Variants in TMEM254 observed in about 807,000 individuals in gnomAD.
TMEM254 encodes transmembrane protein 254, also known as transmembrane protein C10orf57.
Under a neutral mutation model 13.9 loss-of-function variants are expected in TMEM254, and 16 were observed. That is an observed-to-expected ratio of 1.15 (90% CI 0.78 to 1.75). The LOEUF (loss-of-function observed/expected upper bound fraction) is 1.75. Ranked by LOEUF, TMEM254 falls within the 40% of genes most tolerant of loss-of-function variation. The pLI is 0.00. For missense variants in TMEM254, 155 were observed against 149.0 expected, an observed-to-expected ratio of 1.04 and a Z score of -0.21; for synonymous variants, 61 against 56.4, an observed-to-expected ratio of 1.08 and a Z score of -0.36.
rs112064868 is a variant in TMEM254, at chr10:80,080,882, T to C, written c.88-959T>C. Among the ~76,000 whole-genome samples the C allele has an allele frequency of 4.8e-3, 737 of 151,964 alleles. 9 individuals are homozygous for C. Among genetic ancestry groups the C allele is most frequent in the African/African-American group, 0.017 (697 of 41,428 alleles). ...ATCACCTGATGTCAGGAGTTGGAGA[T>C]CAGCCTGGCCAACATGGTGAAACTC... On this transcript the variant is annotated intron_variant, in intron 1 of 3. Coordinates refer to ENST00000372281, the MANE Select transcript of TMEM254 (RefSeq NM_025125.4).
At chr10:80,081,663 G>A (rs1444146807) in intron 1 of TMEM254, 178 bp from the exon 2 acceptor site, 4 of 1,500,910 alleles carry the variant, frequency 2.7e-6, no homozygotes, top group African/African-American at 2.9e-5. Flanking sequence ...GTGAGACCCT[G>A]TCAAAAAAAA....
Position 80,078,711 on chromosome 10 carries a change from A to C in TMEM254, c.12A>C (p.Ala4=). 1 of 1,603,396 alleles carries C rather than the reference A, an allele frequency of 6.2e-7. No homozygotes were observed. The highest frequency in any genetic ancestry group is 8.5e-7 in the Non-Finnish European group (1 of 1,176,260). Residue 4 remains alanine (A), a synonymous_variant, in exon 1 of 4, where the codon GCA becomes GCC. Transcript: ENST00000372281. ...GAGGTGTTGCAGCCATGGCTACGGCAGCCGGCGCGACCTACTTTCAGCGAG... is the reference window on the plus strand; with the variant it reads ...GAGGTGTTGCAGCCATGGCTACGGCCGCCGGCGCGACCTACTTTCAGCGAG... MAT[A]AGATYFQRGS...
At chr10:80,087,451 T>C (rs1293754140) in intron 3 of TMEM254, among the ~76,000 whole-genome samples, 1 of 149,788 alleles carries the variant, frequency 6.7e-6, no homozygotes, top group African/African-American at 2.5e-5. Context: ...GATACCAGCC[T>C]GGCCAACATG....
At chr10:80,081,623 A>G in intron 1 of TMEM254, 2 of 1,458,202 alleles carry the variant, frequency 1.4e-6, no homozygotes, top group Non-Finnish European at 1.9e-6. Flanking sequence ...AGTCATGATC[A>G]TGCCACTGCA....
Position 80,091,096 on chromosome 10 carries a change from A to G in TMEM254, c.*179A>G. The G allele has an allele frequency of 1.5e-6, 1 of 659,750 alleles. No homozygotes were observed. Among genetic ancestry groups the G allele is most frequent in the Non-Finnish European group, 2.4e-6 (1 of 414,126 alleles). 40.9% of individuals were successfully genotyped at this position (659,750 alleles called of 1,614,324 possible). The stretch of plus-strand genomic sequence containing the variant: ...TCTTATATGCTCTGGTTGAGCTTGA[A>G]TAGACCAGTTGTTACTTAAGAAAGA... On this transcript the variant is annotated 3_prime_UTR_variant, in exon 4 of 4. Coordinates refer to ENST00000372281, the MANE Select transcript of TMEM254 (RefSeq NM_025125.4).
chr10:80,088,767 CA>C (rs10670160), intron 3 of TMEM254, among the ~76,000 whole-genome samples: 62 of 118,342 alleles, frequency 5.2e-4, no homozygotes, highest in African/African-American at 6.3e-4. Flanking sequence ...GACTCCGTCT[CA>C]AAAAAAAAAA....
intron 2 of TMEM254, 87 bp from the exon 3 acceptor site, chr10:80,082,058 G>A: frequency 6.3e-7 from 1 of 1,575,130 alleles, no homozygotes; most frequent in Non-Finnish European, 8.7e-7. Context: ...TCACCTTAAG[G>A]CACTTTTCTT....
At chr10:80,079,939 A>G (rs907265442) in intron 1 of TMEM254, among the ~76,000 whole-genome samples, 1 of 152,220 alleles carries the variant, frequency 6.6e-6, no homozygotes, top group African/African-American at 2.4e-5. Context: ...TAAGGTGGTA[A>G]AATTTTGAAG....
At position 80,090,969 on chromosome 10, in the gene TMEM254, T is replaced by C. The variant is rs1438792493; in HGVS notation, c.*52T>C. 2.5e-6 allele frequency: 4 copies of C among 1,602,318 alleles called. No homozygotes were observed. The highest frequency in any genetic ancestry group is 3.4e-6 in the Non-Finnish European group (4 of 1,175,540). ...TTTACATTCATCCTCACCCTTTTTT[T>C]TGTGGGGTAGAGGAGGTGCAGTAAT... On this transcript the variant is annotated 3_prime_UTR_variant, in exon 4 of 4. Transcript: ENST00000372281.
At chr10:80,089,243 G>C (rs1844459608) in intron 3 of TMEM254, among the ~76,000 whole-genome samples, 1 of 152,140 alleles carries the variant, frequency 6.6e-6, no homozygotes, top group African/African-American at 2.4e-5. Context: ...GACTAGAAGT[G>C]TGCCTTGTTC....
chr10:80,082,426 C>G (rs1844086766), intron 3 of TMEM254, among the ~76,000 whole-genome samples: 1 of 152,160 alleles, frequency 6.6e-6, no homozygotes. Flanking sequence ...ACTTAGTTAT[C>G]TAATTCAGAT....
In TMEM254 at chr10:80,078,726, C is replaced by T; in HGVS notation, c.27C>T (p.Tyr9=). The T allele has an allele frequency of 2.5e-6, 4 of 1,607,360 alleles. No individual in the cohort carries two copies. The highest frequency in any genetic ancestry group is 1.7e-4 in the Middle Eastern group (1 of 6,050). Residue 9 remains tyrosine, a synonymous_variant, in exon 1 of 4, where the codon TAC becomes TAT. Transcript: ENST00000372281. MATAAGAT[Y]FQRGSLFWFT... is the part of the protein sequence containing the mutation. ...TGGCTACGGCAGCCGGCGCGACCTACTTTCAGCGAGGCAGTCTGTTCTGGT... is the reference window on the plus strand; with the variant it reads ...TGGCTACGGCAGCCGGCGCGACCTATTTTCAGCGAGGCAGTCTGTTCTGGT...
chr10:80,079,163 C>T (rs1440014715), intron 1 of TMEM254: 2 of 1,310,440 alleles, frequency 1.5e-6, no homozygotes, highest in Non-Finnish European at 2.0e-6. Context: ...TGGTCACAGT[C>T]CTGGGGCTGG....
At chr10:80,080,590 A>G (rs1843948239) in intron 1 of TMEM254, among the ~76,000 whole-genome samples, 1 of 152,248 alleles carries the variant, frequency 6.6e-6, no homozygotes, top group African/African-American at 2.4e-5. Flanking sequence ...GCCAAAGCAC[A>G]TAAACTCAAA....
chr10:80,087,874 C>T (rs1050423896), intron 3 of TMEM254, among the ~76,000 whole-genome samples: 1 of 152,096 alleles, frequency 6.6e-6, no homozygotes, highest in African/African-American at 2.4e-5. Flanking sequence ...AGGTGTCTTG[C>T]AAATATCCTT....
rs768974789 is a variant in TMEM254 at position 80,090,945 on chromosome 10, T to C, written c.*28T>C. 73 of 1,611,336 alleles carry C rather than the reference T, an allele frequency of 4.5e-5. No homozygotes were observed. The highest frequency in any genetic ancestry group is 5.9e-5 in the Non-Finnish European group (70 of 1,179,184). ...TTGTCTGAAAGCTTGCTCTACACTT[T>C]TACATTCATCCTCACCCTTTTTTTT... On this transcript the variant is annotated 3_prime_UTR_variant, in exon 4 of 4. Coordinates refer to ENST00000372281, the MANE Select transcript of TMEM254 (RefSeq NM_025125.4).
intron 3 of TMEM254, among the ~76,000 whole-genome samples, chr10:80,086,741 T>G (rs1844335014): frequency 6.7e-6 from 1 of 150,270 alleles, no homozygotes; most frequent in African/African-American, 2.5e-5. Flanking sequence ...CTCAGGAGGC[T>G]GAGGCAGGAG....
At chr10:80,084,458 A>C (rs1844212443) in intron 3 of TMEM254, among the ~76,000 whole-genome samples, 1 of 152,188 alleles carries the variant, frequency 6.6e-6, no homozygotes, top group African/African-American at 2.4e-5. Context: ...GTATCCCTCC[A>C]GTGGGATAAT....
intron 1 of TMEM254, 140 bp downstream of exon 1, chr10:80,078,926 AG>A (rs1302630416): frequency 6.6e-7 from 1 of 1,519,748 alleles, no homozygotes; most frequent in African/African-American, 1.4e-5. Context: ...AGCGGAGGGG[AG>A]GGGACCAGAC....
Sources: allele counts gnomAD v4.1 joint callset (sites outside exome capture counted in the v4.1 genomes callset), GRCh38; gene constraint gnomAD v4.1.1; transcripts MANE v1.5; gene names NCBI Gene and HGNC (gene_info 2026-07-23, HGNC 2026-07-21).